Variants in MITF observed in about 807,000 individuals in gnomAD.
MITF encodes the protein melanocyte inducing transcription factor, also known as microphthalmia-associated transcription factor.
Under a neutral mutation model 60.5 loss-of-function variants are expected in MITF, and 17 were observed. That is an observed-to-expected ratio of 0.28 (90% CI 0.19 to 0.42). MITF has a LOEUF of 0.42. Ranked by LOEUF, MITF falls within the 10% of genes least tolerant of loss-of-function variation. The probability of loss-of-function intolerance (pLI) is 1.00; values close to 1 mark genes in which losing one functional copy is unlikely to be tolerated. For missense variants in MITF, 622 were observed against 683.5 expected (o/e 0.91, Z 1.00); for synonymous variants, 260 against 248.5 (o/e 1.05, Z -0.43).
intron 1 of MITF, 35 bp downstream of exon 1, chr3:69,739,736 C>T (rs762175229): frequency 5.4e-6 from 8 of 1,488,700 alleles, no homozygotes; most frequent in East Asian, 2.4e-5. Context: ...GCGCACCGGG[C>T]GGCTGGGGGG....
chr3:69,817,515 G>GGT (rs374237145), intron 1 of MITF, among the ~76,000 whole-genome samples: 7 of 150,838 alleles, frequency 4.6e-5, no homozygotes, highest in Non-Finnish European at 8.9e-5. Context: ...ATGTGTGTGT[G>GGT]GTGTGTGTGT....
At chr3:69,826,882 G>A (rs1428811317) in intron 1 of MITF, among the ~76,000 whole-genome samples, 1 of 152,050 alleles carries the variant, frequency 6.6e-6, no homozygotes, top group African/African-American at 2.4e-5. Flanking sequence ...TTTTCTCAGG[G>A]CCTGCACATG....
chr3:69,936,947 CTTTTTTTTTTTTTTT>C (rs79472179), intron 2 of MITF: 6 of 273,688 alleles, frequency 2.2e-5, no homozygotes, highest in African/African-American at 1.7e-4. Flanking sequence ...TAGTAGGATT[CTTTTTTTTTTTTTTT>C]TTTGGCCTAG....
At chr3:69,960,465 T>A (rs2066512982) in intron 9 of MITF, among the ~76,000 whole-genome samples, 1 of 152,096 alleles carries the variant, frequency 6.6e-6, no homozygotes. Flanking sequence ...GGGCTTGGCG[T>A]CTCTTGTTGA....
At chr3:69,757,671 C>A (rs1328020019) in intron 1 of MITF, among the ~76,000 whole-genome samples, 3 of 152,114 alleles carry the variant, frequency 2.0e-5, no homozygotes, top group African/African-American at 7.2e-5. Context: ...CAGTTTGGGA[C>A]ATTTTCAGAA....
intron 1 of MITF, among the ~76,000 whole-genome samples, chr3:69,811,175 T>G (rs2063094883): frequency 6.6e-6 from 1 of 152,146 alleles, no homozygotes; most frequent in Non-Finnish European, 1.5e-5. Context: ...GCACTGGTAT[T>G]TGTTTTAAAA....
At chr3:69,941,576 T>C (rs1681822419) in intron 5 of MITF, among the ~76,000 whole-genome samples, 1 of 152,204 alleles carries the variant, frequency 6.6e-6, no homozygotes, top group Non-Finnish European at 1.5e-5. Context: ...GCAGTTTTGA[T>C]AGGGCATTAG....
At chr3:69,840,957 T>C (rs534861797) in intron 1 of MITF, among the ~76,000 whole-genome samples, 2 of 152,232 alleles carry the variant, frequency 1.3e-5, no homozygotes, top group South Asian at 4.2e-4. Flanking sequence ...GGGTTCACCA[T>C]GTTGGCCAAG....
intron 7 of MITF, among the ~76,000 whole-genome samples, chr3:69,954,400 A>G (rs2066345910): frequency 6.6e-6 from 1 of 152,200 alleles, no homozygotes; most frequent in Non-Finnish European, 1.5e-5. Flanking sequence ...AAGGGAGTAT[A>G]GTGTCAGCAT....
chr3:69,885,633 C>T (rs921646626), intron 2 of MITF, among the ~76,000 whole-genome samples: 4 of 151,988 alleles, frequency 2.6e-5, no homozygotes, highest in Admixed American at 2.6e-4. Flanking sequence ...GTACATAAAC[C>T]GATAAACAGT....
chr3:69,936,192 T>C (rs1467607208), intron 2 of MITF, among the ~76,000 whole-genome samples: 2 of 152,178 alleles, frequency 1.3e-5, no homozygotes, highest in African/African-American at 4.8e-5. Context: ...TACTAAAAGA[T>C]AGTCATCCTG....
At chr3:69,908,160 G>A (rs1025319277) in intron 2 of MITF, among the ~76,000 whole-genome samples, 2 of 152,160 alleles carry the variant, frequency 1.3e-5, no homozygotes, top group African/African-American at 4.8e-5. Context: ...TCTCAAAGTG[G>A]TTGGGCCACC....
intron 1 of MITF, among the ~76,000 whole-genome samples, chr3:69,783,959 T>A (rs2062607747): frequency 6.6e-6 from 1 of 152,226 alleles, no homozygotes; most frequent in Non-Finnish European, 1.5e-5. Context: ...CTTAATTTTG[T>A]CTTTTTTTGT....
chr3:69,914,015 A>T (rs1366319809), intron 2 of MITF, among the ~76,000 whole-genome samples: 1 of 152,100 alleles, frequency 6.6e-6, no homozygotes, highest in Non-Finnish European at 1.5e-5. Flanking sequence ...TTTTCCATTT[A>T]TTTCTGCTGT....
At chr3:69,840,169 C>A (rs1293982136) in intron 1 of MITF, among the ~76,000 whole-genome samples, 1 of 152,156 alleles carries the variant, frequency 6.6e-6, no homozygotes, top group East Asian at 1.9e-4. Context: ...TTCTGGTCCT[C>A]CTTGCAAGGG....
intron 2 of MITF, among the ~76,000 whole-genome samples, chr3:69,890,527 T>C (rs967454965): frequency 6.6e-6 from 1 of 152,170 alleles, no homozygotes; most frequent in Non-Finnish European, 1.5e-5. Flanking sequence ...TTACCATACA[T>C]TACATAGATT....
intron 1 of MITF, among the ~76,000 whole-genome samples, chr3:69,848,594 T>C (rs2107168611): frequency 6.6e-6 from 1 of 152,320 alleles, no homozygotes; most frequent in Non-Finnish European, 1.5e-5. Context: ...GTACCATTTT[T>C]CTCTTTCTGC....
At chr3:69,940,677 A>G (rs933975007) in intron 4 of MITF, among the ~76,000 whole-genome samples, 12 of 152,194 alleles carry the variant, frequency 7.9e-5, no homozygotes, top group Admixed American at 5.2e-4. Flanking sequence ...TCCCTGTGGA[A>G]CACTACAGAC....
chr3:69,953,645 A>T (rs376283478), intron 7 of MITF, among the ~76,000 whole-genome samples: 2 of 141,252 alleles, frequency 1.4e-5, no homozygotes, highest in African/African-American at 2.6e-5. Flanking sequence ...ATATATATGT[A>T]TGTATATATA....
Sources: gnomAD v4.1 joint callset for allele counts (sites outside exome capture counted in the v4.1 genomes callset) on GRCh38, gnomAD v4.1.1 for gene constraint, MANE v1.5 for transcripts, NCBI Gene and HGNC (gene_info 2026-07-23, HGNC 2026-07-21) for gene names.